The following GASK1A variants were observed in gnomAD, a reference collection of about 807,000 sequenced individuals.
GASK1A encodes the protein Golgi-associated kinase 1A.
GASK1A carries 40 observed loss-of-function variants against 41.2 expected under a neutral mutation model. That is an observed-to-expected ratio of 0.97 (90% confidence interval 0.75 to 1.27). GASK1A has a LOEUF of 1.27. Among genes scored for constraint, GASK1A ranks in the 50% most tolerant of loss-of-function variants. The pLI is 0.00. For missense variants in GASK1A, 678 were observed against 745.1 expected, an observed-to-expected ratio of 0.91 and a Z score of 1.05; for synonymous variants, 316 against 307.1, an observed-to-expected ratio of 1.03 and a Z score of -0.30.
In GASK1A at chr3:42,989,839, C is replaced by T. The variant is rs1281107251; in HGVS notation, c.3+10194C>T. ...AGAGACGGGGTTTCACCGTTTTAGCCGGGATGGTCTCGATCTCCTGACCTC... is the reference window on the plus strand; with the variant it reads ...AGAGACGGGGTTTCACCGTTTTAGCTGGGATGGTCTCGATCTCCTGACCTC... On this transcript the variant is annotated intron_variant, in intron 1 of 4. Transcript: ENST00000430121. Among the ~76,000 whole-genome samples the T allele has an allele frequency of 4.6e-3, 7 of 1,512 alleles. 3 individuals carry two copies. The highest frequency in any genetic ancestry group is 5.6e-3 in the African/African-American group (7 of 1,250). 1.0% of individuals were successfully genotyped at this position (1,512 alleles called of 152,430 possible). A position where few individuals can be genotyped will look rare whatever the true frequency, so the allele number is the denominator to read the frequency against.
At chr3:43,030,151 A>G (rs1347748076) in intron 1 of GASK1A, among the ~76,000 whole-genome samples, 1 of 152,194 alleles carries the variant, frequency 6.6e-6, no homozygotes, top group Non-Finnish European at 1.5e-5. Context: ...GATTACACGC[A>G]TGCGCCACCA....
chr3:42,980,448 C>T (rs933098955), intron 1 of GASK1A, among the ~76,000 whole-genome samples: 1 of 152,234 alleles, frequency 6.6e-6, no homozygotes, highest in African/African-American at 2.4e-5. Flanking sequence ...AACTGGGCTC[C>T]TGCAGTTCAC....
At chr3:43,005,841 G>A (rs2089433152) in intron 1 of GASK1A, among the ~76,000 whole-genome samples, 1 of 152,186 alleles carries the variant, frequency 6.6e-6, no homozygotes, top group Non-Finnish European at 1.5e-5. Flanking sequence ...TGTGTGATAA[G>A]TGCTTCATTA....
At chr3:43,015,375 TAGGA>T (rs917226562) in intron 1 of GASK1A, among the ~76,000 whole-genome samples, 1 of 106,118 alleles carries the variant, frequency 9.4e-6, no homozygotes, top group Admixed American at 9.6e-5. Flanking sequence ...TGTGAAGTGA[TAGGA>T]AGGGGCAGTG....
At position 43,018,081 on chromosome 3, in the gene GASK1A, C is replaced by T. The variant is rs148182573; in HGVS notation, c.4-14186C>T. On this transcript the variant is annotated intron_variant, in intron 1 of 4. Coordinates refer to ENST00000430121, the MANE Select transcript of GASK1A (RefSeq NM_001129908.3). The stretch of plus-strand genomic sequence containing the variant: ...CATATGGAAGGGCTGTGTGAAGTTA[C>T]GGGAAGTTGTTGAATGAGACAGCAA... Among the ~76,000 whole-genome samples, 136 of 152,260 alleles carry T rather than the reference C, an allele frequency of 8.9e-4. 2 individuals carry two copies. In the East Asian group the frequency reaches 0.025, roughly 28 times the overall value.
chr3:43,025,239 G>A (rs1182160767), intron 1 of GASK1A, among the ~76,000 whole-genome samples: 1 of 152,184 alleles, frequency 6.6e-6, no homozygotes, highest in South Asian at 2.1e-4. Flanking sequence ...CAGTCACAGA[G>A]GGTCTAATGA....
chr3:42,992,938 C>T (rs896118996), intron 1 of GASK1A, among the ~76,000 whole-genome samples: 1 of 152,196 alleles, frequency 6.6e-6, no homozygotes, highest in African/African-American at 2.4e-5. Flanking sequence ...AGATTGGTTA[C>T]AGCTTGGCGT....
chr3:43,021,309 T>C (rs2089521355), intron 1 of GASK1A, among the ~76,000 whole-genome samples: 1 of 152,170 alleles, frequency 6.6e-6, no homozygotes. Context: ...AAAAGGCCAA[T>C]AAATTCTTTC....
At chr3:42,981,380 G>A (rs1199854410) in intron 1 of GASK1A, among the ~76,000 whole-genome samples, 4 of 152,146 alleles carry the variant, frequency 2.6e-5, no homozygotes, top group African/African-American at 4.8e-5. Flanking sequence ...CAGGGGGCTA[G>A]GAATCCTTTG....
At chr3:42,990,227 A>G (rs2089333013) in intron 1 of GASK1A, among the ~76,000 whole-genome samples, 1 of 151,864 alleles carries the variant, frequency 6.6e-6, no homozygotes. Context: ...GTGTGTGCCT[A>G]TAGTCCCAGC....
At chr3:43,012,499 G>GAAGTCACAGGAAGGGAAGTGGA (rs1178193227) in intron 1 of GASK1A, among the ~76,000 whole-genome samples, 32 of 151,924 alleles carry the variant, frequency 2.1e-4, no homozygotes, top group Middle Eastern at 3.4e-3. Flanking sequence ...GGGGCTGTGT[G>GAAGTCACAGGAAGGGAAGTGGA]AAGTCACAGG....
chr3:43,040,805 A>G (rs1377548841), intron 2 of GASK1A, among the ~76,000 whole-genome samples: 1 of 150,772 alleles, frequency 6.6e-6, no homozygotes, highest in African/African-American at 2.4e-5. Context: ...ATATGTATAC[A>G]TGTGACATGC....
intron 2 of GASK1A, among the ~76,000 whole-genome samples, chr3:43,049,717 T>C (rs551618390): frequency 4.6e-5 from 7 of 152,202 alleles, no homozygotes; most frequent in Non-Finnish European, 1.0e-4. Context: ...GAAAATAATG[T>C]TTGGGGACAG....
Position 42,979,479 on chromosome 3 carries a change from A to C in GASK1A, c.-164A>C, listed in dbSNP as rs1040135502. 1.5e-6 allele frequency: 1 copy of C among 669,702 alleles called. No individual in the cohort carries two copies. The allele number at this position is 669,702 out of a possible 1,614,324, so 41.5% of individuals were successfully genotyped here. A position where few individuals can be genotyped will look rare whatever the true frequency, so the allele number is the denominator to read the frequency against. ...AGTTGGCGCAGGGCCACTTGGCTGC[A>C]GAGAACGTGTGCACCTTCAGTCCGG... On this transcript the variant is annotated 5_prime_UTR_variant, in exon 1 of 5. Transcript: ENST00000430121.
At chr3:43,017,022 C>T (rs556774932) in intron 1 of GASK1A, among the ~76,000 whole-genome samples, 1 of 147,896 alleles carries the variant, frequency 6.8e-6, no homozygotes, top group African/African-American at 2.5e-5. Context: ...CAGGACAGGA[C>T]CATGTAAAGT....
rs142508912 is a variant in GASK1A at position 42,984,458 on chromosome 3, A to T, written c.3+4813A>T. On this transcript the variant is annotated intron_variant, in intron 1 of 4. Coordinates refer to ENST00000430121, the MANE Select transcript of GASK1A (RefSeq NM_001129908.3). The surrounding 1 kb of genome is among the most constrained non-coding windows in gnomAD (Gnocchi z 4.2). Reference sequence around the variant, plus strand: ...GATCTGGTCCTATTCCCCAGAGTCCAGCCTGTGGCTCCAGAACTGCCAGCT... The same window carrying T: ...GATCTGGTCCTATTCCCCAGAGTCCTGCCTGTGGCTCCAGAACTGCCAGCT... Among the ~76,000 whole-genome samples, 1 of 152,156 alleles carries T rather than the reference A, an allele frequency of 6.6e-6. No individual in the cohort carries two copies. Among genetic ancestry groups the T allele is most frequent in the Admixed American group, 6.5e-5 (1 of 15,286 alleles).
intron 1 of GASK1A, among the ~76,000 whole-genome samples, chr3:42,987,986 G>C (rs182570749): frequency 0.012 from 66 of 5,452 alleles, no homozygotes; most frequent in African/African-American, 0.022. Flanking sequence ...GCGACAGAGC[G>C]AGACTCTAGC....
At chr3:43,042,305 CAAAAA>C (rs61149633) in intron 2 of GASK1A, among the ~76,000 whole-genome samples, 1 of 132,166 alleles carries the variant, frequency 7.6e-6, no homozygotes, top group Non-Finnish European at 1.6e-5. Flanking sequence ...CTTGTCCCTA[CAAAAA>C]AAAAAAAAAA....
intron 3 of GASK1A, chr3:43,053,976 G>T (rs532151955): frequency 2.6e-6 from 1 of 387,316 alleles, no homozygotes; most frequent in South Asian, 2.1e-5. Context: ...CAACATCCTC[G>T]TTGTGCCAGT....
Sources: allele counts gnomAD v4.1 joint callset (sites outside exome capture counted in the v4.1 genomes callset), GRCh38; gene constraint gnomAD v4.1.1; non-coding constraint Gnocchi (gnomAD v3.1); transcripts MANE v1.5; gene names NCBI Gene and HGNC (gene_info 2026-07-23, HGNC 2026-07-21).